The following C4orf17 variants were observed in gnomAD, a reference collection of about 807,000 sequenced individuals.
C4orf17 encodes the protein chromosome 4 open reading frame 17.
C4orf17 carries 25 observed loss-of-function variants against 32.0 expected under a neutral mutation model. The observed-to-expected ratio is 0.78, with a 90% CI of 0.57 to 1.09. The LOEUF is 1.09. C4orf17 is among the 50% of genes least tolerant of loss of function. The pLI, the probability that C4orf17 is intolerant of heterozygous loss-of-function variation, is 0.00. For missense variants in C4orf17, 420 were observed against 420.0 expected (o/e 1.00, Z 0.00); for synonymous variants, 149 against 145.8 (o/e 1.02, Z -0.16).
chr4:99,536,177 G>C (rs1723558977), intron 5 of C4orf17: 1 of 251,744 alleles, frequency 4.0e-6, no homozygotes, highest in Non-Finnish European at 7.9e-6. Flanking sequence ...GCTTCTATTG[G>C]GAGGTATTAC....
At chr4:99,527,468 G>C (rs1439639687) in intron 4 of C4orf17, among the ~76,000 whole-genome samples, 2 of 152,130 alleles carry the variant, frequency 1.3e-5, no homozygotes, top group Admixed American at 1.3e-4. Context: ...AACTTTTTTG[G>C]AAGACTATTT....
At chr4:99,519,980 T>C (rs545746101) in intron 2 of C4orf17, among the ~76,000 whole-genome samples, 20 of 152,242 alleles carry the variant, frequency 1.3e-4, no homozygotes, top group Admixed American at 1.2e-3. Context: ...CAAACAGATG[T>C]CACTGTAAAG....
In C4orf17 at chr4:99,531,759, G is replaced by T. The variant is rs373641618; in HGVS notation, c.546+1801G>T. 2.6e-4 allele frequency among the ~76,000 whole-genome samples: 40 copies of T among 152,254 alleles called. 1 individual carries two copies. In the East Asian group the frequency reaches 7.1e-3, roughly 27 times the overall value. The stretch of plus-strand genomic sequence containing the variant: ...TAAATGAACGGAGAGGGAATAAAGT[G>T]ATAAAGTAGGTTTTATCAAGATGTT... On this transcript the variant is annotated intron_variant, in intron 5 of 8. Coordinates refer to ENST00000326581, the MANE Select transcript of C4orf17 (RefSeq NM_032149.3).
intron 4 of C4orf17, among the ~76,000 whole-genome samples, chr4:99,527,778 C>A (rs1255075849): frequency 1.3e-5 from 2 of 152,088 alleles, no homozygotes. Flanking sequence ...ACTTTTTCTG[C>A]CAATTATTGA....
chr4:99,524,661 C>A, intron 4 of C4orf17, 76 bp downstream of exon 4: 1 of 856,372 alleles, frequency 1.2e-6, no homozygotes, highest in South Asian at 1.6e-5. Context: ...ACATACCTTT[C>A]CGAAAAGTCA....
At chr4:99,535,137 G>A (rs1723541060) in intron 5 of C4orf17, among the ~76,000 whole-genome samples, 1 of 152,052 alleles carries the variant, frequency 6.6e-6, no homozygotes, top group African/African-American at 2.4e-5. Context: ...CTTTGTAGGT[G>A]ACCTGGCCTT....
chr4:99,517,369 G>A (rs1185022874), intron 2 of C4orf17, among the ~76,000 whole-genome samples: 2 of 151,856 alleles, frequency 1.3e-5, no homozygotes, highest in African/African-American at 4.9e-5. Flanking sequence ...GGGGCTGCAG[G>A]GGCTGCAGAG....
At chr4:99,513,270 T>C in intron 2 of C4orf17, 62 bp downstream of exon 2, 1 of 1,594,160 alleles carries the variant, frequency 6.3e-7, no homozygotes, top group East Asian at 2.2e-5. Context: ...ATTTGATAAT[T>C]CTGGCAGGTA....
chr4:99,530,009 A>G (rs755086809), intron 5 of C4orf17, 51 bp downstream of exon 5: 170 of 1,449,968 alleles, frequency 1.2e-4, no homozygotes, highest in Non-Finnish European at 2.0e-5. Flanking sequence ...ATGAATATAC[A>G]AAAAAATTTA....
At chr4:99,511,483 G>A (rs1233768809) in intron 1 of C4orf17, among the ~76,000 whole-genome samples, 3 of 151,238 alleles carry the variant, frequency 2.0e-5, no homozygotes, top group Non-Finnish European at 4.4e-5. Flanking sequence ...AATTGATGTG[G>A]GACAGACACA....
intron 5 of C4orf17, among the ~76,000 whole-genome samples, chr4:99,534,474 A>G (rs1354375250): frequency 6.6e-6 from 1 of 152,152 alleles, no homozygotes; most frequent in African/African-American, 2.4e-5. Context: ...AAAATAATTT[A>G]TATTCCTTTG....
At chr4:99,541,819 G>GT (rs916112161) in intron 8 of C4orf17, 91 bp from the exon 9 acceptor site, 2 of 936,814 alleles carry the variant, frequency 2.1e-6, no homozygotes, top group South Asian at 1.6e-5. Context: ...ACTTCATATA[G>GT]TTTTTTATAG....
chr4:99,512,345 G>C lies in C4orf17; in HGVS notation c.-93-644G>C, dbSNP rs566402887. 4.1e-4 allele frequency among the ~76,000 whole-genome samples: 62 copies of C among 152,246 alleles called. 1 individual carries two copies. Among genetic ancestry groups the C allele is most frequent in the African/African-American group, 1.4e-3 (58 of 41,570 alleles). ...CAGAAATGTTCTTTCTCACATGGTT[G>C]TGAATTCACCAAGATACATAACATT... On this transcript the variant is annotated intron_variant, in intron 1 of 8. Transcript: ENST00000326581.
intron 8 of C4orf17, chr4:99,540,988 A>C (rs1723643790): frequency 6.6e-6 from 1 of 152,520 alleles, no homozygotes; most frequent in African/African-American, 2.4e-5. Context: ...GGAAAGTCCT[A>C]CCTTGGTCCA....
chr4:99,535,379 G>GT (rs1723545155), intron 5 of C4orf17, among the ~76,000 whole-genome samples: 1 of 151,836 alleles, frequency 6.6e-6, no homozygotes, highest in African/African-American at 2.4e-5. Flanking sequence ...ATTCCAATCA[G>GT]TTGTAAGTTC....
intron 5 of C4orf17, among the ~76,000 whole-genome samples, chr4:99,531,665 C>T (rs566882015): frequency 3.3e-5 from 5 of 152,238 alleles, no homozygotes; most frequent in East Asian, 3.9e-4. Flanking sequence ...CTCACCACTT[C>T]GCTTGAAAAA....
At chr4:99,511,443 A>G (rs767415084) in intron 1 of C4orf17, among the ~76,000 whole-genome samples, 171 bp downstream of exon 1, 5 of 151,516 alleles carry the variant, frequency 3.3e-5, no homozygotes, top group Non-Finnish European at 7.4e-5. Context: ...TTCAAAATTT[A>G]AAGTGTATCA....
chr4:99,539,076 A>T (rs1723610142), intron 6 of C4orf17, 87 bp from the exon 7 acceptor site: 2 of 1,197,282 alleles, frequency 1.7e-6, no homozygotes, highest in African/African-American at 3.0e-5. Flanking sequence ...AGTCTTTCAT[A>T]CTCAGGAGCT....
At chr4:99,540,194 A>G (rs890652538) in intron 7 of C4orf17, among the ~76,000 whole-genome samples, 1 of 152,148 alleles carries the variant, frequency 6.6e-6, no homozygotes, top group Admixed American at 6.5e-5. Context: ...CTGTACCTTA[A>G]TGACTAACAT....
Sources: gnomAD v4.1 joint callset for allele counts (sites outside exome capture counted in the v4.1 genomes callset) on GRCh38, gnomAD v4.1.1 for gene constraint, MANE v1.5 for transcripts, NCBI Gene and HGNC (gene_info 2026-07-23, HGNC 2026-07-21) for gene names.